The following SH2D4B variants were observed in gnomAD, a reference collection of about 807,000 sequenced individuals.
SH2D4B encodes SH2 domain-containing protein 4B.
Under a neutral mutation model 61.5 loss-of-function variants are expected in SH2D4B, and 45 were observed. The ratio of observed to expected loss-of-function variants is 0.73; its 90% CI spans 0.58 to 0.94. The LOEUF is 0.94. Ranked by LOEUF, SH2D4B falls within the 40% of genes least tolerant of loss-of-function variation. SH2D4B has a pLI of 0.00. For synonymous variants in SH2D4B, 224 were observed against 220.4 expected (o/e 1.02, Z -0.14); for missense variants, 572 against 574.2 (o/e 1.00, Z 0.04).
chr10:80,543,298 G>A (rs1358501583), intron 1 of SH2D4B, among the ~76,000 whole-genome samples: 1 of 152,142 alleles, frequency 6.6e-6, no homozygotes, highest in Non-Finnish European at 1.5e-5. Context: ...CGGGGCCAGC[G>A]CGAGTTCCGG....
chr10:80,555,935 A>C (rs1052154845), intron 1 of SH2D4B, among the ~76,000 whole-genome samples: 1 of 152,254 alleles, frequency 6.6e-6, no homozygotes, highest in African/African-American at 2.4e-5. Flanking sequence ...TTCTGGATGC[A>C]GTGACCTTGC....
At chr10:80,565,147 C>T (rs2132114605) in intron 1 of SH2D4B, among the ~76,000 whole-genome samples, 1 of 152,326 alleles carries the variant, frequency 6.6e-6, no homozygotes. Context: ...GGCTGATACT[C>T]CTAAGTTACG....
chr10:80,637,000 T>G (rs1840191548), intron 7 of SH2D4B, among the ~76,000 whole-genome samples: 1 of 152,248 alleles, frequency 6.6e-6, no homozygotes, highest in African/African-American at 2.4e-5. Context: ...TTCAGCTTTC[T>G]ACTTATGGCT....
intron 1 of SH2D4B, among the ~76,000 whole-genome samples, chr10:80,562,813 C>T (rs914323610): frequency 6.6e-6 from 1 of 151,926 alleles, no homozygotes; most frequent in Non-Finnish European, 1.5e-5. Flanking sequence ...TGATAATAGC[C>T]ATTCTTACAG....
At chr10:80,606,678 T>C (rs1842523809) in intron 5 of SH2D4B, among the ~76,000 whole-genome samples, 1 of 152,162 alleles carries the variant, frequency 6.6e-6, no homozygotes, top group African/African-American at 2.4e-5. Flanking sequence ...GATGGCTGTG[T>C]TTAACAACTG....
intron 6 of SH2D4B, among the ~76,000 whole-genome samples, chr10:80,624,519 G>A (rs1589361687): frequency 6.6e-6 from 1 of 152,218 alleles, no homozygotes; most frequent in Non-Finnish European, 1.5e-5. Flanking sequence ...TCTAGAATGT[G>A]AGAGTCACTT....
At chr10:80,549,180 C>A (rs1031255121) in intron 1 of SH2D4B, among the ~76,000 whole-genome samples, 1 of 86,718 alleles carries the variant, frequency 1.2e-5, no homozygotes, top group Non-Finnish European at 2.2e-5. Flanking sequence ...CTAGGGATCT[C>A]CGAGAGCTGT....
chr10:80,595,739 C>G (rs1842378143), intron 4 of SH2D4B, among the ~76,000 whole-genome samples: 1 of 152,204 alleles, frequency 6.6e-6, no homozygotes, highest in Non-Finnish European at 1.5e-5. Flanking sequence ...ACTCCTCTGT[C>G]CTCTCCTCCT....
Position 80,634,240 on chromosome 10 carries a change from C to T in SH2D4B, c.989-45C>T, listed in dbSNP as rs1329302527. On this transcript the variant is annotated intron_variant, in intron 6 of 7. Transcript: ENST00000646907. ...AGTGGAGAATCGTGGGGGAGGCAGT[C>T]GCAGAACCTGCTGTGTTTTTTTGTT... The T allele has an allele frequency of 2.0e-5, 30 of 1,476,214 alleles. No homozygotes were observed. The East Asian group carries it at 4.2e-4, about 21-fold the overall frequency. 91.4% of individuals were successfully genotyped at this position (1,476,214 alleles called of 1,614,324 possible).
chr10:80,572,228 C>T (rs1842056883), intron 3 of SH2D4B, among the ~76,000 whole-genome samples: 1 of 152,180 alleles, frequency 6.6e-6, no homozygotes, highest in Non-Finnish European at 1.5e-5. Context: ...AGGCCTAGAA[C>T]ATTCCTTGTT....
intron 7 of SH2D4B, among the ~76,000 whole-genome samples, chr10:80,637,454 T>A (rs1372076182): frequency 6.6e-6 from 1 of 152,234 alleles, no homozygotes; most frequent in Admixed American, 6.5e-5. Context: ...TCCTCTTTTA[T>A]TTCGTTGAGC....
chr10:80,584,596 G>T (rs1227320876), intron 3 of SH2D4B, among the ~76,000 whole-genome samples: 5 of 152,150 alleles, frequency 3.3e-5, no homozygotes, highest in African/African-American at 1.2e-4. Context: ...TTATTAAAAA[G>T]CAAGCTGTAA....
At chr10:80,613,658 T>G (rs1842627734) in intron 6 of SH2D4B, among the ~76,000 whole-genome samples, 1 of 152,232 alleles carries the variant, frequency 6.6e-6, no homozygotes, top group East Asian at 1.9e-4. Context: ...ACTGGCATGC[T>G]TCTTCGTGAG....
At chr10:80,540,090 T>C (rs555768026) in intron 1 of SH2D4B, among the ~76,000 whole-genome samples, 1 of 152,232 alleles carries the variant, frequency 6.6e-6, no homozygotes, top group Non-Finnish European at 1.5e-5. Context: ...TTGTCACACA[T>C]AGACATCTAC....
chr10:80,611,171 G>C, intron 6 of SH2D4B, among the ~76,000 whole-genome samples: 1 of 82,214 alleles, frequency 1.2e-5, no homozygotes, highest in Non-Finnish European at 2.0e-5. Context: ...GCGAGACTCA[G>C]TCTCAAAAAA....
intron 7 of SH2D4B, among the ~76,000 whole-genome samples, chr10:80,635,519 C>T (rs962203391): frequency 6.6e-6 from 1 of 152,174 alleles, no homozygotes; most frequent in African/African-American, 2.4e-5. Flanking sequence ...AATTCAGGGA[C>T]AGCCCTTGAC....
rs150750658 is a variant in SH2D4B at position 80,644,040 on chromosome 10, C to T, written c.1257C>T (p.Cys419=). 3.8e-5 allele frequency: 61 copies of T among 1,613,800 alleles called. No homozygotes were observed. The African/African-American group carries it at 3.9e-4, about 10-fold the overall frequency. Residue 419 remains cysteine, a synonymous_variant, in exon 8 of 8, where the codon TGC becomes TGT. Coordinates refer to ENST00000646907, the MANE Select transcript of SH2D4B (RefSeq NM_001388272.1). ...VSGGELLQEP[C]GQRDSPPDYH... ...GAGGAGAGTTACTTCAGGAACCCTG[C>T]GGACAGAGGGACAGCCCACCAGACT... is the stretch of plus-strand genomic sequence containing the variant.
chr10:80,618,713 A>G (rs1842685032), intron 6 of SH2D4B, among the ~76,000 whole-genome samples: 1 of 152,234 alleles, frequency 6.6e-6, no homozygotes, highest in South Asian at 2.1e-4. Context: ...AGCTTTAAGA[A>G]ATATGCACGT....
Position 80,603,690 on chromosome 10 carries a change from T to A in SH2D4B, c.755T>A (p.Leu252His). ...RAIQKGTVAG[L>H]SSMFRELGQS... ...ATCCAGAAGGGCACGGTCGCTGGCC[T>A]CAGCTCCATGTTCCGGGAGCTTGGC... The change falls in exon 5 of 8, where the codon CTC becomes CAC. Residue 252 changes from leucine to histidine, a missense_variant. Transcript: ENST00000646907. 1 of 1,612,986 alleles carries A rather than the reference T, an allele frequency of 6.2e-7. No individual in the cohort carries two copies. The highest frequency in any genetic ancestry group is 8.5e-7 in the Non-Finnish European group (1 of 1,179,670).
Sources: gnomAD v4.1 joint callset for allele counts (sites outside exome capture counted in the v4.1 genomes callset) on GRCh38, gnomAD v4.1.1 for gene constraint, MANE v1.5 for transcripts, NCBI Gene and HGNC (gene_info 2026-07-23, HGNC 2026-07-21) for gene names.